KYNU: variants seen among roughly 807,000 people sequenced by gnomAD.
The protein encoded by KYNU is L-kynurenine hydrolase.
In KYNU, 54 loss-of-function variants were observed where a neutral mutation model predicts 59.2. The ratio of observed to expected loss-of-function variants is 0.91; its 90% CI spans 0.73 to 1.14. The LOEUF is 1.14. Ranked by LOEUF, KYNU falls within the 50% of genes most tolerant of loss-of-function variation. KYNU has a pLI of 0.00. For synonymous variants in KYNU, 177 were observed against 192.0 expected, an observed-to-expected ratio of 0.92 and a Z score of 0.65; for missense variants, 567 against 554.4, an observed-to-expected ratio of 1.02 and a Z score of -0.23.
intron 4 of KYNU, among the ~76,000 whole-genome samples, chr2:142,932,456 A>G (rs1683254159): frequency 6.6e-6 from 1 of 151,830 alleles, no homozygotes; most frequent in African/African-American, 2.4e-5. Context: ...CCGATATGTG[A>G]TTGTCTGGGG....
chr2:143,022,329 A>T (rs538496030), intron 10 of KYNU, among the ~76,000 whole-genome samples: 2 of 152,214 alleles, frequency 1.3e-5, no homozygotes, highest in South Asian at 2.1e-4. Context: ...TGAATTGTAT[A>T]TTCATAAATT....
chr2:143,013,931 C>T (rs1037100612), intron 10 of KYNU, among the ~76,000 whole-genome samples: 7 of 152,226 alleles, frequency 4.6e-5, no homozygotes, highest in African/African-American at 1.7e-4. Flanking sequence ...GAAATGGCCT[C>T]ATGCCTTTTA....
chr2:142,954,926 T>A, intron 5 of KYNU, 55 bp downstream of exon 5: 1 of 1,093,662 alleles, frequency 9.1e-7, no homozygotes, highest in Non-Finnish European at 1.4e-6. Flanking sequence ...GAATCTGATG[T>A]TTTTCTATCT....
At position 143,044,170 on chromosome 2, in the gene KYNU, C is replaced by CT. The variant is rs1341355629; in HGVS notation, c.*2004dup. 6.6e-6 allele frequency: 1 copy of CT among 152,030 alleles called. No homozygotes were observed. Among genetic ancestry groups the CT allele is most frequent in the Non-Finnish European group, 1.5e-5 (1 of 67,998 alleles). The allele number at this position is 152,030 out of a possible 1,614,324, so 9.4% of individuals were successfully genotyped here. On this transcript the variant is annotated 3_prime_UTR_variant, in exon 14 of 14. Coordinates refer to ENST00000264170, the MANE Select transcript of KYNU (RefSeq NM_003937.3). Reference sequence around the variant, plus strand: ...TCCCTGCAAAGGACATGAACTCATTCTTTTTTATGGCTGCATAGTATTCCA... The same window carrying CT: ...TCCCTGCAAAGGACATGAACTCATTCTTTTTTTATGGCTGCATAGTATTCCA...
At chr2:142,903,920 C>G (rs999062168) in intron 2 of KYNU, among the ~76,000 whole-genome samples, 4 of 152,122 alleles carry the variant, frequency 2.6e-5, no homozygotes, top group African/African-American at 4.8e-5. Flanking sequence ...CCAGAGCCTC[C>G]GAAGTCGTGC....
intron 2 of KYNU, among the ~76,000 whole-genome samples, chr2:142,911,684 G>A (rs1038083316): frequency 2.0e-5 from 3 of 152,126 alleles, no homozygotes; most frequent in African/African-American, 7.2e-5. Context: ...CTGTGAGTTT[G>A]CCATAGATCG....
At chr2:142,943,691 A>G (rs1394558040) in intron 4 of KYNU, among the ~76,000 whole-genome samples, 1 of 152,184 alleles carries the variant, frequency 6.6e-6, no homozygotes, top group Non-Finnish European at 1.5e-5. Context: ...TGTAATGTGA[A>G]CATAAATTTG....
In KYNU at chr2:142,890,206, A is replaced by C. The variant is rs1324587445; in HGVS notation, c.169+4670A>C. ...AAGATATAAGAAAGAAATAAAAAGA[A>C]AAGCAAGAGAAATGCAAGGCATACA... On this transcript the variant is annotated intron_variant, in intron 2 of 13. Coordinates refer to ENST00000264170, the MANE Select transcript of KYNU (RefSeq NM_003937.3). Among the ~76,000 whole-genome samples, 6 of 152,202 alleles carry C rather than the reference A, an allele frequency of 3.9e-5. 1 individual carries two copies. The highest frequency in any genetic ancestry group is 8.8e-5 in the Non-Finnish European group (6 of 68,034).
intron 10 of KYNU, chr2:142,989,590 A>G (rs1220572522): frequency 1.4e-6 from 1 of 690,890 alleles, no homozygotes; most frequent in African/African-American, 1.9e-5. Context: ...TTTGAAGTAT[A>G]TATGTTTGAA....
intron 10 of KYNU, among the ~76,000 whole-genome samples, chr2:142,995,583 G>A (rs1249960994): frequency 2.6e-5 from 4 of 152,090 alleles, no homozygotes; most frequent in African/African-American, 9.7e-5. Context: ...CTAAGAGTAT[G>A]TTAGCAATAT....
At chr2:142,905,054 A>C (rs773892651) in intron 2 of KYNU, among the ~76,000 whole-genome samples, 1 of 152,178 alleles carries the variant, frequency 6.6e-6, no homozygotes, top group Non-Finnish European at 1.5e-5. Flanking sequence ...AATTCGTTTC[A>C]GAGAGGGTGA....
At chr2:143,034,673 GT>G (rs920428029) in intron 12 of KYNU, among the ~76,000 whole-genome samples, 2 of 152,130 alleles carry the variant, frequency 1.3e-5, no homozygotes, top group African/African-American at 4.8e-5. Context: ...ATTTTTGACA[GT>G]TTTTTGAGTA....
chr2:142,961,713 T>A (rs1684356945), intron 8 of KYNU, among the ~76,000 whole-genome samples: 3 of 151,934 alleles, frequency 2.0e-5, no homozygotes, highest in Admixed American at 2.0e-4. Flanking sequence ...TCTCTTTGTA[T>A]GTAAGTGTTT....
In KYNU at chr2:142,885,526, T is replaced by C; in HGVS notation, c.159T>C (p.Asp53=). ...RECFYIPKIQ[D]LPPVDLSLVN... ...GCTTTTATATTCCCAAAATACAGGA[T>C]CTGCCTCCAGGTAAGAATGCTGGGA... The change falls in exon 2 of 14, where the codon GAT becomes GAC. Residue 53 remains aspartate, a synonymous_variant. Coordinates refer to ENST00000264170, the MANE Select transcript of KYNU (RefSeq NM_003937.3). 1 of 1,613,376 alleles carries C rather than the reference T, an allele frequency of 6.2e-7. No homozygotes were observed. The highest frequency in any genetic ancestry group is 1.3e-5 in the African/African-American group (1 of 75,012).
intron 11 of KYNU, among the ~76,000 whole-genome samples, chr2:143,030,703 C>G (rs1283842116): frequency 1.3e-5 from 2 of 151,784 alleles, no homozygotes; most frequent in Non-Finnish European, 2.9e-5. Context: ...CTATGTTGTC[C>G]AAGCTGGCCT....
chr2:142,907,191 G>C (rs1682327486), intron 2 of KYNU, among the ~76,000 whole-genome samples: 1 of 152,168 alleles, frequency 6.6e-6, no homozygotes, highest in Non-Finnish European at 1.5e-5. Flanking sequence ...GATGGGGCAG[G>C]CCACTCCCAA....
chr2:142,896,311 T>C (rs1681876240), intron 2 of KYNU, among the ~76,000 whole-genome samples: 3 of 152,178 alleles, frequency 2.0e-5, no homozygotes, highest in Admixed American at 2.0e-4. Context: ...TTACCAGTTT[T>C]TTGTTGTTTT....
intron 3 of KYNU, 105 bp downstream of exon 3, chr2:142,918,834 C>A: frequency 7.7e-7 from 1 of 1,297,540 alleles, no homozygotes; most frequent in Non-Finnish European, 1.1e-6. Flanking sequence ...AATCCTAGTA[C>A]AGTCATCCCT....
At chr2:142,886,251 G>A (rs991186092) in intron 2 of KYNU, among the ~76,000 whole-genome samples, 10 of 152,118 alleles carry the variant, frequency 6.6e-5, no homozygotes, top group African/African-American at 9.7e-5. Flanking sequence ...ACTGGGTTTC[G>A]CATCCTTTAT....
Sources: allele counts gnomAD v4.1 joint callset (sites outside exome capture counted in the v4.1 genomes callset), GRCh38; gene constraint gnomAD v4.1.1; transcripts MANE v1.5; gene names NCBI Gene and HGNC (gene_info 2026-07-23, HGNC 2026-07-21).